PACS1: variants seen among roughly 807,000 people sequenced by gnomAD.
PACS1 encodes PACS-1.
A neutral mutation model predicts 115.0 loss-of-function variants in PACS1; 24 were observed. That is an observed-to-expected ratio of 0.21 (90% CI 0.15 to 0.29). The LOEUF (loss-of-function observed/expected upper bound fraction) is 0.29. Ranked by LOEUF, PACS1 falls within the 10% of genes least tolerant of loss-of-function variation. PACS1 has a pLI of 1.00. For missense variants in PACS1, 838 were observed against 1,251.2 expected, an observed-to-expected ratio of 0.67 and a Z score of 4.98; for synonymous variants, 453 against 504.5, an observed-to-expected ratio of 0.90 and a Z score of 1.37.
intron 1 of PACS1, among the ~76,000 whole-genome samples, chr11:66,080,402 T>C (rs1465659262): frequency 6.6e-6 from 1 of 151,930 alleles, no homozygotes; most frequent in South Asian, 2.1e-4. Context: ...CAAAGAATAG[T>C]GTGGTGGGGA....
At chr11:66,162,965 C>T (rs1342972830) in intron 1 of PACS1, among the ~76,000 whole-genome samples, 1 of 152,070 alleles carries the variant, frequency 6.6e-6, no homozygotes, top group African/African-American at 2.4e-5. Flanking sequence ...TTAAATTTGC[C>T]ATTGGAGAAT....
At chr11:66,218,769 A>C (rs901028630) in intron 7 of PACS1, 6 of 151,400 alleles carry the variant, frequency 4.0e-5, no homozygotes, top group African/African-American at 1.5e-4. Context: ...CTGAGGCAGG[A>C]GAGTCACTTG....
Position 66,216,189 on chromosome 11 carries a change from C to G in PACS1, c.731C>G (p.Pro244Arg). The change falls in exon 5 of 24, where the codon CCT (proline) becomes CGT (arginine). Residue 244 changes from proline (P) to arginine (R), a missense_variant. Transcript: ENST00000320580. ...LHSNVKDVSV[P>R]VAEIKIYSLS... ...AGCAACGTGAAGGATGTCTCTGTGC[C>G]TGTGGCAGAAATAAAGATCTACTCC... 5 of 1,613,988 alleles carry G rather than the reference C, an allele frequency of 3.1e-6. No individual in the cohort carries two copies. Among genetic ancestry groups the G allele is most frequent in the Non-Finnish European group, 4.2e-6 (5 of 1,179,992 alleles).
chr11:66,155,045 C>T (rs1413045296), intron 1 of PACS1, among the ~76,000 whole-genome samples: 4 of 152,186 alleles, frequency 2.6e-5, no homozygotes, highest in African/African-American at 9.7e-5. Context: ...AAAGGAACAT[C>T]TTTTCAACAC....
Position 66,103,234 on chromosome 11 carries a change from T to C in PACS1, c.356+32392T>C, listed in dbSNP as rs147643630. On this transcript the variant is annotated intron_variant, in intron 1 of 23. Transcript: ENST00000320580. ...TGAAAGGTATTCCTCTTGTTGGTTT[T>C]CCCTGTATTCTGTTTGGTTTGGTCT... Among the ~76,000 whole-genome samples, 69 of 152,320 alleles carry C rather than the reference T, an allele frequency of 4.5e-4. No individual in the cohort carries two copies. In the East Asian group the frequency reaches 0.013, roughly 29 times the overall value.
chr11:66,199,846 C>T (rs568259211), intron 2 of PACS1, among the ~76,000 whole-genome samples: 8 of 151,474 alleles, frequency 5.3e-5, no homozygotes, highest in Non-Finnish European at 1.2e-4. Context: ...AGTGAAACCC[C>T]ATCTCTACTA....
chr11:66,218,488 T>G (rs1855265165), intron 7 of PACS1: 1 of 152,168 alleles, frequency 6.6e-6, no homozygotes. Context: ...CCAGATGAGA[T>G]GCTGAGAGAT....
chr11:66,238,015 C>T, intron 19 of PACS1: 1 of 978,146 alleles, frequency 1.0e-6, no homozygotes, highest in Non-Finnish European at 1.2e-6. Context: ...TAGGCCTGGG[C>T]CCAGGTGATA....
At chr11:66,073,579 T>C (rs1410211869) in intron 1 of PACS1, among the ~76,000 whole-genome samples, 4 of 152,218 alleles carry the variant, frequency 2.6e-5, no homozygotes, top group Non-Finnish European at 5.9e-5. Context: ...GTATTAGATA[T>C]TTAAATAAAG....
Position 66,230,770 on chromosome 11 carries a change from G to C in PACS1, c.1491-35G>C, listed in dbSNP as rs1039421321. The C allele has an allele frequency of 5.0e-6, 8 of 1,613,684 alleles. No homozygotes were observed. In the Admixed American group the frequency reaches 1.0e-4, roughly 20 times the overall value. ...TGGCAGCAGCTTTGGGGTTGGAGGG[G>C]CTATTTCACCAGCCTTTTTCCACCT... On this transcript the variant is annotated intron_variant, in intron 12 of 23. Transcript: ENST00000320580.
intron 8 of PACS1, chr11:66,220,328 T>A: frequency 2.6e-6 from 1 of 382,412 alleles, no homozygotes; most frequent in South Asian, 3.7e-5. Context: ...CGCCTTCCTG[T>A]GAGCTGTAAG....
chr11:66,162,320 C>T (rs1488913584), intron 1 of PACS1, among the ~76,000 whole-genome samples: 4 of 151,900 alleles, frequency 2.6e-5, no homozygotes, highest in Admixed American at 2.6e-4. Context: ...CAGGGTTTCT[C>T]CATGTTGACC....
intron 19 of PACS1, 198 bp from the exon 20 acceptor site, chr11:66,238,606 T>C: frequency 1.8e-6 from 1 of 560,722 alleles, no homozygotes; most frequent in Non-Finnish European, 3.1e-6. Context: ...GTTCAAGCGA[T>C]TCTCCTATCT....
chr11:66,224,810 C>T (rs1198307112), intron 10 of PACS1, among the ~76,000 whole-genome samples: 1 of 152,228 alleles, frequency 6.6e-6, no homozygotes, highest in Admixed American at 6.5e-5. Flanking sequence ...AGATTGTGCA[C>T]CTGTAGGCAG....
chr11:66,147,272 A>C (rs984575583), intron 1 of PACS1, among the ~76,000 whole-genome samples: 4 of 152,186 alleles, frequency 2.6e-5, no homozygotes, highest in African/African-American at 9.7e-5. Flanking sequence ...ATTCTTCAAA[A>C]ATGAAGGCAA....
Position 66,221,484 on chromosome 11 carries a change from A to G in PACS1, c.1293+237A>G, listed in dbSNP as rs1282356573. On this transcript the variant is annotated intron_variant, in intron 10 of 23. Coordinates refer to ENST00000320580, the MANE Select transcript of PACS1 (RefSeq NM_018026.4). Reference sequence around the variant, plus strand: ...AACATGGTGACACCCCATCTCTACTAAAAATACAAAAATTACCTGGGCGTG... The same window carrying G: ...AACATGGTGACACCCCATCTCTACTGAAAATACAAAAATTACCTGGGCGTG... 7.9e-6 allele frequency: 4 copies of G among 507,554 alleles called. No individual in the cohort carries two copies. In the Admixed American group the frequency reaches 1.3e-4, roughly 16 times the overall value. 31.4% of individuals were successfully genotyped at this position (507,554 alleles called of 1,614,324 possible). A position where few individuals can be genotyped will look rare whatever the true frequency, so the allele number is the denominator to read the frequency against.
In PACS1 at chr11:66,113,129, G is replaced by T. The variant is rs147201010; in HGVS notation, c.356+42287G>T. Among the ~76,000 whole-genome samples the T allele has an allele frequency of 4.9e-3, 741 of 152,292 alleles. 9 individuals are homozygous for T. Among genetic ancestry groups the T allele is most frequent in the African/African-American group, 0.015 (612 of 41,564 alleles). On this transcript the variant is annotated intron_variant, in intron 1 of 23. Coordinates refer to ENST00000320580, the MANE Select transcript of PACS1 (RefSeq NM_018026.4). ...CTTAAATATGGTGGTGATTACACAG[G>T]TATAAATTTGTCAGAACTTATCAAA... is the stretch of plus-strand genomic sequence containing the variant.
chr11:66,234,852 G>C (rs1023168176), intron 17 of PACS1, among the ~76,000 whole-genome samples: 6 of 152,210 alleles, frequency 3.9e-5, no homozygotes, highest in African/African-American at 1.4e-4. Flanking sequence ...AGCTGGGGCA[G>C]CAGAGTGAAA....
chr11:66,173,632 C>A (rs1004082395), intron 1 of PACS1, among the ~76,000 whole-genome samples: 7 of 151,978 alleles, frequency 4.6e-5, no homozygotes, highest in Non-Finnish European at 7.4e-5. Flanking sequence ...ATCGCTTGAA[C>A]CCGGGAGGCA....
Sources: gnomAD v4.1 joint callset for allele counts (sites outside exome capture counted in the v4.1 genomes callset) on GRCh38, gnomAD v4.1.1 for gene constraint, MANE v1.5 for transcripts, NCBI Gene and HGNC (gene_info 2026-07-23, HGNC 2026-07-21) for gene names.